AOPEP: variants seen among roughly 807,000 people sequenced by gnomAD.
AOPEP encodes the protein aminopeptidase O.
Under a neutral mutation model 98.1 loss-of-function variants are expected in AOPEP, and 77 were observed. The observed-to-expected ratio is 0.78, with a 90% confidence interval of 0.65 to 0.95. The LOEUF is 0.95. Ranked by LOEUF, AOPEP falls within the 40% of genes least tolerant of loss-of-function variation. The pLI is 0.00. For synonymous variants in AOPEP, 346 were observed against 365.3 expected (o/e 0.95, Z 0.60); for missense variants, 1,024 against 1,024.7 (o/e 1.00, Z 0.01).
intron 5 of AOPEP, among the ~76,000 whole-genome samples, chr9:94,870,138 G>A (rs2046179116): frequency 6.6e-6 from 1 of 151,862 alleles, no homozygotes; most frequent in African/African-American, 2.4e-5. Flanking sequence ...ATAGGCACAC[G>A]CCACCATGCC....
intron 5 of AOPEP, among the ~76,000 whole-genome samples, chr9:94,913,114 C>T (rs941809835): frequency 1.3e-5 from 2 of 152,212 alleles, no homozygotes; most frequent in Admixed American, 6.5e-5. Context: ...TCCTGGGATC[C>T]TTGCCCACAT....
At chr9:95,070,571 C>G (rs985679124) in intron 14 of AOPEP, among the ~76,000 whole-genome samples, 1 of 152,244 alleles carries the variant, frequency 6.6e-6, no homozygotes, top group Non-Finnish European at 1.5e-5. Flanking sequence ...TCCAAGTTTT[C>G]AAGTGGTACG....
chr9:95,129,783 C>A, the AOPEP span, among the ~76,000 whole-genome samples: 1 of 152,134 alleles, frequency 6.6e-6, no homozygotes, highest in South Asian at 2.1e-4. Flanking sequence ...CTTATCTCCC[C>A]CCTCAGGCTT....
intron 11 of AOPEP, among the ~76,000 whole-genome samples, chr9:94,987,473 T>C (rs754195618): frequency 3.9e-5 from 6 of 152,190 alleles, no homozygotes; most frequent in Admixed American, 6.5e-5. Context: ...GGGAAGCTGA[T>C]TAACTAGTGT....
chr9:94,859,573 G>A (rs1164257850), intron 5 of AOPEP, among the ~76,000 whole-genome samples: 5 of 152,164 alleles, frequency 3.3e-5, no homozygotes, highest in African/African-American at 1.2e-4. Context: ...CAGGAATTAG[G>A]ATATGAATAT....
In AOPEP at chr9:94,821,471, T is replaced by A. The variant is rs72746562; in HGVS notation, c.1364+20469T>A. ...CTTTCAGTGGTTTTAATCTTCAGAC[T>A]TTGGCAGAGGCCAAGCATGATTTGA... On this transcript the variant is annotated intron_variant, in intron 5 of 16. Transcript: ENST00000375315. Among the ~76,000 whole-genome samples the A allele has an allele frequency of 5.3e-3, 803 of 152,354 alleles. 12 individuals are homozygous for A. Among genetic ancestry groups the A allele is most frequent in the South Asian group, 0.043 (210 of 4,834 alleles).
rs144484260 is a variant in AOPEP at position 94,957,610 on chromosome 9, G to A, written c.1872+1595G>A. Among the ~76,000 whole-genome samples, 383 of 152,194 alleles carry A rather than the reference G, an allele frequency of 2.5e-3. 4 individuals carry two copies. The highest frequency in any genetic ancestry group is 8.8e-3 in the African/African-American group (366 of 41,524). Reference sequence around the variant, plus strand: ...ACCCTTTGAAAGTCTACAAGTCAGTGGTTTTTGGTATATTTACAAGATTGT... The same window carrying A: ...ACCCTTTGAAAGTCTACAAGTCAGTAGTTTTTGGTATATTTACAAGATTGT... On this transcript the variant is annotated intron_variant, in intron 9 of 16. Transcript: ENST00000375315.
chr9:94,860,899 C>A (rs535425921), intron 5 of AOPEP, among the ~76,000 whole-genome samples: 1 of 152,174 alleles, frequency 6.6e-6, no homozygotes, highest in Admixed American at 6.5e-5. Context: ...ACCGTTGAGT[C>A]AGGAGACTTG....
chr9:94,738,787 G>A (rs2131869194), intron 1 of AOPEP, among the ~76,000 whole-genome samples: 1 of 151,964 alleles, frequency 6.6e-6, no homozygotes, highest in Admixed American at 6.5e-5. Flanking sequence ...TGTTAGCCAG[G>A]ATGGTCTCGA....
At chr9:94,849,990 A>G (rs1219715027) in intron 5 of AOPEP, among the ~76,000 whole-genome samples, 1 of 150,934 alleles carries the variant, frequency 6.6e-6, no homozygotes, top group Non-Finnish European at 1.5e-5. Flanking sequence ...AGCCAAGATC[A>G]TGCCACGGCA....
chr9:95,005,989 C>A, intron 13 of AOPEP: 2 of 485,110 alleles, frequency 4.1e-6, no homozygotes, highest in Non-Finnish European at 8.4e-6. Flanking sequence ...GCTGTACTTT[C>A]TCTCACCTAG....
intron 11 of AOPEP, among the ~76,000 whole-genome samples, chr9:94,992,745 G>T (rs1026819867): frequency 7.9e-5 from 12 of 152,334 alleles, no homozygotes; most frequent in East Asian, 1.9e-4. Context: ...GGCACTCTGG[G>T]CTGCGTCCGG....
intron 10 of AOPEP, among the ~76,000 whole-genome samples, chr9:94,970,304 G>T (rs1284066758): frequency 6.6e-6 from 1 of 152,094 alleles, no homozygotes; most frequent in Non-Finnish European, 1.5e-5. Flanking sequence ...CCTTCTTTAT[G>T]TTGGGAACAT....
At chr9:94,781,674 C>T (rs1341390180) in intron 3 of AOPEP, among the ~76,000 whole-genome samples, 1 of 151,146 alleles carries the variant, frequency 6.6e-6, no homozygotes, top group Non-Finnish European at 1.5e-5. Context: ...CATTCTCCTG[C>T]CTCAGCCTCC....
chr9:94,848,108 T>C (rs577734234), intron 5 of AOPEP, among the ~76,000 whole-genome samples: 3 of 152,256 alleles, frequency 2.0e-5, no homozygotes, highest in African/African-American at 7.2e-5. Flanking sequence ...TTTAAGGCCC[T>C]CTGTGGAAGA....
the AOPEP span, among the ~76,000 whole-genome samples, chr9:95,125,464 A>G: frequency 6.6e-6 from 1 of 152,294 alleles, no homozygotes; most frequent in South Asian, 2.1e-4. Flanking sequence ...ACTCTGTACA[A>G]ATATTTTTGT....
intron 5 of AOPEP, among the ~76,000 whole-genome samples, chr9:94,865,749 G>A (rs2045631277): frequency 6.6e-6 from 1 of 152,170 alleles, no homozygotes; most frequent in Non-Finnish European, 1.5e-5. Context: ...GAGACTATAT[G>A]CATAGGTTCT....
chr9:94,818,928 G>T (rs1852330330), intron 5 of AOPEP, among the ~76,000 whole-genome samples: 3 of 152,160 alleles, frequency 2.0e-5, no homozygotes, highest in Admixed American at 2.0e-4. Flanking sequence ...CAGGAGGCCG[G>T]GCTTCCAGTG....
rs141437419 is a variant in AOPEP at position 94,946,665 on chromosome 9, C to T, written c.1662-8512C>T. 1.5e-3 allele frequency among the ~76,000 whole-genome samples: 228 copies of T among 152,354 alleles called. 6 individuals are homozygous for T. Among genetic ancestry groups the T allele is most frequent in the Non-Finnish European group, 5.4e-4 (37 of 68,048 alleles). On this transcript the variant is annotated intron_variant, in intron 7 of 16. Transcript: ENST00000375315. The stretch of plus-strand genomic sequence containing the variant: ...GCCTTGCTCCCACCAAAACAATCTA[C>T]GTATCTGAAGGCTCTTCTTTCTTTT...
Sources: allele counts gnomAD v4.1 joint callset (sites outside exome capture counted in the v4.1 genomes callset), GRCh38; gene constraint gnomAD v4.1.1; transcripts MANE v1.5; gene names NCBI Gene and HGNC (gene_info 2026-07-23, HGNC 2026-07-21).